Variants in DNAI1 observed in about 807,000 individuals in gnomAD.
DNAI1 encodes the protein dynein, axonemal, intermediate polypeptide 1.
A neutral mutation model predicts 92.0 loss-of-function variants in DNAI1; 67 were observed. That is an observed-to-expected ratio of 0.73 (90% CI 0.60 to 0.89). DNAI1 has a LOEUF of 0.89. Ranked by LOEUF, DNAI1 falls within the 40% of genes least tolerant of loss-of-function variation. The pLI is 0.00. For missense variants in DNAI1, 839 were observed against 866.6 expected, an observed-to-expected ratio of 0.97 and a Z score of 0.40; for synonymous variants, 323 against 319.6, an observed-to-expected ratio of 1.01 and a Z score of -0.11.
At chr9:34,512,502 C>G in intron 15 of DNAI1, 78 bp downstream of exon 15, 1 of 1,380,432 alleles carries the variant, frequency 7.2e-7, no homozygotes, top group Non-Finnish European at 1.0e-6. Flanking sequence ...AGTGGTCCTT[C>G]CCCTGACTGA....
chr9:34,479,439 C>T (rs1037242112), intron 1 of DNAI1, among the ~76,000 whole-genome samples: 2 of 152,150 alleles, frequency 1.3e-5, no homozygotes, highest in African/African-American at 2.4e-5. Flanking sequence ...ATTTCATTGG[C>T]CTGTTTTGCA....
chr9:34,485,085 G>A lies in DNAI1; in HGVS notation c.82-57G>A, dbSNP rs1173809639. 7.7e-6 allele frequency: 12 copies of A among 1,562,950 alleles called. 1 individual carries two copies. The Admixed American group carries it at 2.0e-4, about 26-fold the overall frequency. ...GTGTTTGTGAATGAAGGGGCTTTCT[G>A]TATGCTTGTCCAAGCAGAAAAGACA... On this transcript the variant is annotated intron_variant, in intron 2 of 19. Coordinates refer to ENST00000242317, the MANE Select transcript of DNAI1 (RefSeq NM_012144.4).
intron 1 of DNAI1, among the ~76,000 whole-genome samples, chr9:34,465,199 GT>G (rs1453855086): frequency 6.6e-6 from 1 of 152,168 alleles, no homozygotes; most frequent in Admixed American, 6.5e-5. Flanking sequence ...GGCAAAGATT[GT>G]TTTTTTAAGA....
intron 1 of DNAI1, among the ~76,000 whole-genome samples, chr9:34,471,630 C>T (rs141057531): frequency 6.3e-4 from 96 of 151,892 alleles, no homozygotes; most frequent in African/African-American, 2.1e-3. Context: ...ATTAGCCAGG[C>T]GTGGTGGTGG....
At chr9:34,464,966 A>C (rs1348469510) in intron 1 of DNAI1, among the ~76,000 whole-genome samples, 1 of 152,250 alleles carries the variant, frequency 6.6e-6, no homozygotes, top group Non-Finnish European at 1.5e-5. Context: ...AGAAGTAAGA[A>C]GACAACAAGG....
intron 12 of DNAI1, among the ~76,000 whole-genome samples, chr9:34,505,858 G>C (rs1394429582): frequency 6.6e-6 from 1 of 152,240 alleles, no homozygotes; most frequent in Non-Finnish European, 1.5e-5. Flanking sequence ...TGGTGAGGAG[G>C]CTGGGAGGAC....
chr9:34,489,916 C>A, intron 5 of DNAI1, 96 bp from the exon 6 acceptor site: 1 of 1,555,452 alleles, frequency 6.4e-7, no homozygotes, highest in Middle Eastern at 1.7e-4. Flanking sequence ...ACACTCAGGC[C>A]AAGGAAAACC....
Position 34,501,141 on chromosome 9 carries a change from T to A in DNAI1, c.1023T>A (p.Asn341Lys). 1 of 1,613,310 alleles carries A rather than the reference T, an allele frequency of 6.2e-7. No homozygotes were observed. Among genetic ancestry groups the A allele is most frequent in the Non-Finnish European group, 8.5e-7 (1 of 1,179,224 alleles). The change falls in exon 12 of 20, where the codon AAT becomes AAA. Residue 341 changes from asparagine to lysine, a missense_variant. Asn to Lys is a moderately conservative substitution (Grantham distance 94). Transcript: ENST00000242317. ...GGATTCATATTTTTTTTTGCAGGAA[T>A]CCAAAGTACAGGGATCTGTTTGCAG... Reference protein sequence around the residue: ...KRLSVTALCWNPKYRDLFAVG... With the variant: ...KRLSVTALCWKPKYRDLFAVG...
rs556202414 is a variant in DNAI1, at chr9:34,469,210, G to A, written c.48+10157G>A. 1.1e-4 allele frequency among the ~76,000 whole-genome samples: 17 copies of A among 149,692 alleles called. No homozygotes were observed. In the South Asian group the frequency reaches 1.5e-3, roughly 13 times the overall value. On this transcript the variant is annotated intron_variant, in intron 1 of 19. Transcript: ENST00000242317. ...ATACAGGGAAACAATTATATGAATT[G>A]TGGTTGACTTCTCACCATAAACAAT...
At chr9:34,481,732 A>G (rs1824359950) in intron 1 of DNAI1, among the ~76,000 whole-genome samples, 1 of 151,548 alleles carries the variant, frequency 6.6e-6, no homozygotes. Context: ...GCGCGTCTGG[A>G]GTTGTTCGTT....
chr9:34,490,500 C>G lies in DNAI1; in HGVS notation c.621+12C>G, dbSNP rs1230892242. On this transcript the variant is annotated intron_variant, in intron 7 of 19. Transcript: ENST00000242317. ...ACAACCCTGTCCGGGTAGAGCAGCC[C>G]CCACCCTAGCCCCTTTGCAGCTCTT... 6.2e-7 allele frequency: 1 copy of G among 1,613,674 alleles called. No individual in the cohort carries two copies. Among genetic ancestry groups the G allele is most frequent in the Admixed American group, 1.7e-5 (1 of 60,008 alleles).
chr9:34,503,724 C>T (rs1425396909), intron 12 of DNAI1, among the ~76,000 whole-genome samples: 1 of 152,188 alleles, frequency 6.6e-6, no homozygotes, highest in African/African-American at 2.4e-5. Context: ...AGCACAGAAA[C>T]ATCCCTACCT....
At chr9:34,489,585 C>T in intron 5 of DNAI1, 136 bp downstream of exon 5, 1 of 1,104,888 alleles carries the variant, frequency 9.1e-7, no homozygotes, top group Non-Finnish European at 1.3e-6. Flanking sequence ...CAGGGTGGTT[C>T]TTGCCTATAA....
intron 1 of DNAI1, among the ~76,000 whole-genome samples, chr9:34,482,387 C>T (rs531475519): frequency 7.7e-6 from 1 of 129,962 alleles, no homozygotes; most frequent in Admixed American, 7.9e-5. Context: ...AGACTCTGCA[C>T]GTCCTCACCA....
chr9:34,519,349 A>G (rs1020499337), intron 19 of DNAI1, among the ~76,000 whole-genome samples: 2 of 152,290 alleles, frequency 1.3e-5, no homozygotes, highest in African/African-American at 4.8e-5. Context: ...GATAGATGGG[A>G]AACTGAAGCT....
chr9:34,499,397 A>G (rs1376031737), intron 10 of DNAI1, among the ~76,000 whole-genome samples: 3 of 152,262 alleles, frequency 2.0e-5, no homozygotes, highest in Admixed American at 6.5e-5. Context: ...AAGATCAAGA[A>G]CTACTTCACT....
At position 34,514,693 on chromosome 9, in the gene DNAI1, C is replaced by A; in HGVS notation, c.1772C>A (p.Ala591Glu). ...LNSAVGDVAW[A>E]PYSSTVFAAV... is the part of the protein sequence containing the mutation. The stretch of plus-strand genomic sequence containing the variant: ...TCAGCCGTGGGTGATGTGGCCTGGG[C>A]GCCATACTCTTCTACTGTGTTCGCA... The change falls in exon 18 of 20, where the codon GCG becomes GAG. Residue 591 changes from alanine (A) to glutamate (E), a missense_variant. Transcript: ENST00000242317. 1 of 1,614,120 alleles carries A rather than the reference C, an allele frequency of 6.2e-7. No individual in the cohort carries two copies. Among genetic ancestry groups the A allele is most frequent in the Non-Finnish European group, 8.5e-7 (1 of 1,180,036 alleles).
chr9:34,498,402 C>A (rs1270501797), intron 10 of DNAI1, among the ~76,000 whole-genome samples: 1 of 152,220 alleles, frequency 6.6e-6, no homozygotes, highest in East Asian at 1.9e-4. Context: ...AGAATCAGAA[C>A]TCGAACACAG....
chr9:34,519,811 A>G (rs1299052134), intron 19 of DNAI1, among the ~76,000 whole-genome samples: 1 of 152,172 alleles, frequency 6.6e-6, no homozygotes, highest in Non-Finnish European at 1.5e-5. Flanking sequence ...AGCACAGCGA[A>G]GGCAGGAAAT....
Sources: allele counts gnomAD v4.1 joint callset (sites outside exome capture counted in the v4.1 genomes callset), GRCh38; gene constraint gnomAD v4.1.1; transcripts MANE v1.5; gene names NCBI Gene and HGNC (gene_info 2026-07-23, HGNC 2026-07-21).